The following GTF2E2 variants were observed in gnomAD, a reference collection of about 807,000 sequenced individuals.
The protein encoded by GTF2E2 is general transcription factor IIE subunit 2, also known as transcription initiation factor IIE subunit beta.
A neutral mutation model predicts 40.5 loss-of-function variants in GTF2E2; 21 were observed. That is an observed-to-expected ratio of 0.52 (90% CI 0.37 to 0.75). The LOEUF (loss-of-function observed/expected upper bound fraction) is 0.75, where lower values mean the gene tolerates loss of function less well. GTF2E2 is among the 30% of genes least tolerant of loss of function. The pLI is 0.00. For synonymous variants in GTF2E2, 117 were observed against 121.6 expected (o/e 0.96, Z 0.25); for missense variants, 298 against 338.4 (o/e 0.88, Z 0.94).
intron 6 of GTF2E2, among the ~76,000 whole-genome samples, chr8:30,602,696 G>C (rs929643469): frequency 6.7e-6 from 1 of 149,610 alleles, no homozygotes; most frequent in African/African-American, 2.5e-5. Context: ...AGAGGTTGTT[G>C]TGAGCCAAGA....
chr8:30,656,913 T>TA (rs1426990513), intron 1 of GTF2E2: 1 of 152,168 alleles, frequency 6.6e-6, no homozygotes, highest in Non-Finnish European at 1.5e-5. Context: ...GTATTAGTGT[T>TA]ATTCCTATTT....
intron 3 of GTF2E2, among the ~76,000 whole-genome samples, chr8:30,622,226 C>T (rs1801125173): frequency 7.2e-6 from 1 of 138,406 alleles, no homozygotes; most frequent in Non-Finnish European, 1.5e-5. Flanking sequence ...TTTCTATTTT[C>T]CCTAAGTGTT....
At chr8:30,621,149 GT>G (rs958147573) in intron 3 of GTF2E2, among the ~76,000 whole-genome samples, 4 of 151,756 alleles carry the variant, frequency 2.6e-5, no homozygotes, top group Non-Finnish European at 2.9e-5. Flanking sequence ...TACATTAAAA[GT>G]TTTTTTCCCC....
chr8:30,628,430 A>C (rs1311545347), intron 3 of GTF2E2, among the ~76,000 whole-genome samples: 1 of 152,150 alleles, frequency 6.6e-6, no homozygotes, highest in African/African-American at 2.4e-5. Context: ...ACTGACAATT[A>C]TTATTAACTT....
chr8:30,627,059 C>T (rs1474437873), intron 3 of GTF2E2, among the ~76,000 whole-genome samples: 1 of 152,090 alleles, frequency 6.6e-6, no homozygotes, highest in Non-Finnish European at 1.5e-5. Context: ...CTGATGGGAA[C>T]CTAATCATGC....
At chr8:30,610,092 C>A (rs1370217016) in intron 5 of GTF2E2, among the ~76,000 whole-genome samples, 1 of 152,108 alleles carries the variant, frequency 6.6e-6, no homozygotes, top group Non-Finnish European at 1.5e-5. Flanking sequence ...CCAAAACAAT[C>A]TTGAAAAAGA....
chr8:30,629,267 CT>C (rs1801370882), intron 3 of GTF2E2, among the ~76,000 whole-genome samples: 1 of 152,156 alleles, frequency 6.6e-6, no homozygotes, highest in African/African-American at 2.4e-5. Flanking sequence ...AGAACTGTGT[CT>C]ATGAGCCAGT....
chr8:30,621,975 TATA>T (rs1801115903), intron 3 of GTF2E2, among the ~76,000 whole-genome samples: 3 of 130,258 alleles, frequency 2.3e-5, no homozygotes, highest in African/African-American at 9.1e-5. Flanking sequence ...TATATATATA[TATA>T]TTTTTTTATT....
chr8:30,634,597 G>T (rs773925602), intron 3 of GTF2E2, among the ~76,000 whole-genome samples: 20 of 152,136 alleles, frequency 1.3e-4, no homozygotes, highest in Non-Finnish European at 2.6e-4. Context: ...CTCAGTAAAT[G>T]TCTAATTTTC....
chr8:30,628,596 C>A (rs910119431), intron 3 of GTF2E2, among the ~76,000 whole-genome samples: 11 of 152,154 alleles, frequency 7.2e-5, no homozygotes, highest in African/African-American at 2.2e-4. Context: ...GGAACTTTGC[C>A]TCTACTAATT....
intron 3 of GTF2E2, among the ~76,000 whole-genome samples, chr8:30,615,205 G>T (rs1234451782): frequency 6.6e-6 from 1 of 152,064 alleles, no homozygotes. Context: ...CTTGAACCTG[G>T]GAAGAGGAGG....
chr8:30,601,182 C>A (rs979643646), intron 6 of GTF2E2, among the ~76,000 whole-genome samples: 1 of 152,126 alleles, frequency 6.6e-6, no homozygotes, highest in African/African-American at 2.4e-5. Context: ...CGTGTGAACA[C>A]CAAAATGACA....
chr8:30,640,146 T>A (rs1327728473), intron 2 of GTF2E2, among the ~76,000 whole-genome samples: 1 of 152,196 alleles, frequency 6.6e-6, no homozygotes, highest in East Asian at 1.9e-4. Context: ...CCAAACTGAC[T>A]GGAGACATGG....
At chr8:30,599,504 G>A (rs923934666) in intron 6 of GTF2E2, among the ~76,000 whole-genome samples, 6 of 151,862 alleles carry the variant, frequency 4.0e-5, no homozygotes, top group South Asian at 2.1e-4. Context: ...GCTTCAACCT[G>A]GGAGGCAGAG....
intron 3 of GTF2E2, among the ~76,000 whole-genome samples, chr8:30,631,674 T>G (rs952192252): frequency 4.6e-5 from 7 of 152,236 alleles, no homozygotes; most frequent in African/African-American, 1.4e-4. Context: ...ACTGAGTAGT[T>G]TGAAGCAGTA....
intron 6 of GTF2E2, among the ~76,000 whole-genome samples, chr8:30,604,896 T>C (rs529888665): frequency 6.6e-6 from 1 of 152,150 alleles, no homozygotes; most frequent in South Asian, 2.1e-4. Context: ...TAAGGAAGTA[T>C]AGATAAAAGA....
At chr8:30,607,195 A>T in intron 5 of GTF2E2, 45 bp from the exon 6 acceptor site, 5 of 677,466 alleles carry the variant, frequency 7.4e-6, no homozygotes, top group South Asian at 2.4e-5. Context: ...ACTCCAAATT[A>T]CCTCACCAAA....
intron 2 of GTF2E2, chr8:30,638,778 T>C (rs1382524435): frequency 6.6e-6 from 1 of 152,352 alleles, no homozygotes; most frequent in East Asian, 1.9e-4. Flanking sequence ...TTTCACCGCT[T>C]GGTAGGATTT....
intron 3 of GTF2E2, among the ~76,000 whole-genome samples, chr8:30,618,841 G>A (rs1801002820): frequency 6.6e-6 from 1 of 152,080 alleles, no homozygotes; most frequent in African/African-American, 2.4e-5. Flanking sequence ...TGAAAAGACT[G>A]GGAAATATTT....
Sources: gnomAD v4.1 joint callset for allele counts (sites outside exome capture counted in the v4.1 genomes callset) on GRCh38, gnomAD v4.1.1 for gene constraint, MANE v1.5 for transcripts, NCBI Gene and HGNC (gene_info 2026-07-23, HGNC 2026-07-21) for gene names.